Variants in PTPRD observed in about 807,000 individuals in gnomAD.
The protein encoded by PTPRD is protein tyrosine phosphatase receptor type D, also known as receptor-type tyrosine-protein phosphatase delta.
A neutral mutation model predicts 214.5 loss-of-function variants in PTPRD; 34 were observed. The ratio of observed to expected loss-of-function variants is 0.16; its 90% CI spans 0.12 to 0.21. PTPRD has a LOEUF of 0.21. Among genes scored for constraint, PTPRD ranks in the 10% least tolerant of loss-of-function variants. The pLI is 1.00. For missense variants in PTPRD, 2,545 were observed against 2,398.7 expected (o/e 1.06, Z -1.27); for synonymous variants, 1,128 against 845.7 (o/e 1.33, Z -5.79).
intron 10 of PTPRD, among the ~76,000 whole-genome samples, chr9:9,038,305 G>C (rs1446923553): frequency 6.6e-6 from 1 of 152,110 alleles, no homozygotes; most frequent in Non-Finnish European, 1.5e-5. Context: ...AGGACAGTTT[G>C]GTCTAGGCTG....
chr9:9,499,158 T>C (rs13296703), intron 8 of PTPRD, among the ~76,000 whole-genome samples: 11,989 of 152,244 alleles, frequency 0.079, 560 homozygotes, highest in Non-Finnish European at 0.11. Context: ...TCTTCAAAGA[T>C]AATCACGACA....
chr9:10,139,719 T>C (rs1162732139), intron 3 of PTPRD, among the ~76,000 whole-genome samples: 1 of 151,706 alleles, frequency 6.6e-6, no homozygotes, highest in Non-Finnish European at 1.5e-5. Flanking sequence ...AGAATAGAAA[T>C]TACATGAATA....
At chr9:9,500,901 CTA>C in intron 8 of PTPRD, among the ~76,000 whole-genome samples, 1 of 151,940 alleles carries the variant, frequency 6.6e-6, no homozygotes, top group Admixed American at 6.6e-5. Context: ...TTATACTACT[CTA>C]TTTTATGTGA....
Position 9,595,321 on chromosome 9 carries a change from T to A in PTPRD, c.-286-20540A>T, listed in dbSNP as rs12235498. Among the ~76,000 whole-genome samples, 51 of 75,384 alleles carry A rather than the reference T, an allele frequency of 6.8e-4. 1 individual carries two copies. Among genetic ancestry groups the A allele is most frequent in the African/African-American group, 1.4e-3 (42 of 29,320 alleles). The allele number at this position is 75,384 out of a possible 152,430, so 49.5% of individuals were successfully genotyped here. On this transcript the variant is annotated intron_variant, in intron 7 of 45. Transcript: ENST00000381196. ...ATATATATATATATATTATATATAT[T>A]TTATATATATAATATATATTGTATA...
intron 7 of PTPRD, among the ~76,000 whole-genome samples, chr9:9,658,258 A>C (rs1360576050): frequency 6.6e-6 from 1 of 152,170 alleles, no homozygotes; most frequent in African/African-American, 2.4e-5. Flanking sequence ...TGGAAGAACA[A>C]AGAGGATATA....
chr9:8,391,277 C>T (rs1472858021), intron 36 of PTPRD, among the ~76,000 whole-genome samples: 1 of 152,088 alleles, frequency 6.6e-6, no homozygotes, highest in Non-Finnish European at 1.5e-5. Context: ...TAATGAAAAT[C>T]AGATGGAAAC....
chr9:8,794,294 G>A (rs1054020831), intron 11 of PTPRD, among the ~76,000 whole-genome samples: 1 of 152,082 alleles, frequency 6.6e-6, no homozygotes, highest in African/African-American at 2.4e-5. Flanking sequence ...AGGCAGAAAG[G>A]GGATGCAACT....
At chr9:8,556,640 T>G (rs959845250) in intron 14 of PTPRD, among the ~76,000 whole-genome samples, 17 of 152,166 alleles carry the variant, frequency 1.1e-4, no homozygotes, top group Admixed American at 3.3e-4. Context: ...GGAGTCCACT[T>G]GCATATATAC....
chr9:10,379,749 T>A (rs1268410224), intron 2 of PTPRD, among the ~76,000 whole-genome samples: 1 of 152,094 alleles, frequency 6.6e-6, no homozygotes, highest in African/African-American at 2.4e-5. Context: ...CTAACTTATT[T>A]ATGATCAAAA....
At chr9:9,020,286 C>A (rs181103077) in intron 10 of PTPRD, among the ~76,000 whole-genome samples, 4 of 152,142 alleles carry the variant, frequency 2.6e-5, no homozygotes, top group African/African-American at 7.2e-5. Flanking sequence ...ATGTATAAAC[C>A]ATTCAATAAA....
At chr9:9,708,948 A>T in intron 7 of PTPRD, among the ~76,000 whole-genome samples, 1 of 151,830 alleles carries the variant, frequency 6.6e-6, no homozygotes, top group South Asian at 2.1e-4. Context: ...TTTCTTAGAG[A>T]CTCTCCAGAT....
intron 9 of PTPRD, among the ~76,000 whole-genome samples, chr9:9,206,706 A>C (rs1229031740): frequency 6.6e-6 from 1 of 152,196 alleles, no homozygotes; most frequent in African/African-American, 2.4e-5. Context: ...CCTGGCCTTG[A>C]ACATCAGACT....
chr9:8,880,860 C>T (rs1260134049), intron 11 of PTPRD, among the ~76,000 whole-genome samples: 2 of 152,136 alleles, frequency 1.3e-5, no homozygotes, highest in Non-Finnish European at 2.9e-5. Flanking sequence ...TCTTGGCTCA[C>T]AGCAGCCTCA....
At chr9:9,940,594 G>C (rs1054510291) in intron 4 of PTPRD, among the ~76,000 whole-genome samples, 2 of 152,084 alleles carry the variant, frequency 1.3e-5, no homozygotes, top group African/African-American at 4.8e-5. Context: ...ATTCTTCTGA[G>C]TTTTGTTAAA....
intron 8 of PTPRD, among the ~76,000 whole-genome samples, chr9:9,533,129 A>G (rs1279379299): frequency 3.3e-5 from 5 of 152,100 alleles, no homozygotes; most frequent in Non-Finnish European, 5.9e-5. Context: ...ACTTGTTTAT[A>G]TATTTCTTTC....
At chr9:10,269,783 T>C (rs2094314424) in intron 3 of PTPRD, among the ~76,000 whole-genome samples, 1 of 152,108 alleles carries the variant, frequency 6.6e-6, no homozygotes, top group Non-Finnish European at 1.5e-5. Flanking sequence ...TACAATTCTA[T>C]AAAAATCTTC....
At chr9:9,298,480 C>A (rs182854731) in intron 9 of PTPRD, among the ~76,000 whole-genome samples, 44 of 151,810 alleles carry the variant, frequency 2.9e-4, no homozygotes, top group Admixed American at 1.6e-3. Context: ...GGGTAAGATA[C>A]TGGCTTAAAC....
At chr9:8,499,990 T>A (rs1191250867) in intron 24 of PTPRD, 150 bp from the exon 25 acceptor site, 2 of 479,836 alleles carry the variant, frequency 4.2e-6, no homozygotes, top group Non-Finnish European at 3.3e-6. Flanking sequence ...TTTCAACCAA[T>A]GAAAATGCTT....
chr9:8,575,579 C>G (rs2092216785), intron 14 of PTPRD, among the ~76,000 whole-genome samples: 1 of 152,076 alleles, frequency 6.6e-6, no homozygotes, highest in Non-Finnish European at 1.5e-5. Flanking sequence ...AGTGTCTCTG[C>G]AAAAACGTGG....
Sources: allele counts gnomAD v4.1 joint callset (sites outside exome capture counted in the v4.1 genomes callset), GRCh38; gene constraint gnomAD v4.1.1; transcripts MANE v1.5; gene names NCBI Gene and HGNC (gene_info 2026-07-23, HGNC 2026-07-21).